Variants in VPS54 observed in about 807,000 individuals in gnomAD.
VPS54 encodes the protein vacuolar protein sorting-associated protein 54.
VPS54 carries 45 observed loss-of-function variants against 121.5 expected under a neutral mutation model. The ratio of observed to expected loss-of-function variants is 0.37; its 90% CI spans 0.29 to 0.47. The LOEUF (loss-of-function observed/expected upper bound fraction) is 0.47, where lower values mean the gene tolerates loss of function less well. VPS54 is among the 20% of genes least tolerant of loss of function. VPS54 has a pLI of 0.99. For missense variants in VPS54, 1,090 were observed against 1,131.4 expected (o/e 0.96, Z 0.52); for synonymous variants, 371 against 385.8 (o/e 0.96, Z 0.45).
At chr2:63,952,721 G>T (rs1479439494) in intron 7 of VPS54, among the ~76,000 whole-genome samples, 1 of 152,072 alleles carries the variant, frequency 6.6e-6, no homozygotes, top group Admixed American at 6.5e-5. Flanking sequence ...TCTCATAAAT[G>T]GCATCAATAT....
chr2:63,974,126 G>T (rs1676411240), intron 3 of VPS54, among the ~76,000 whole-genome samples: 1 of 152,186 alleles, frequency 6.6e-6, no homozygotes, highest in Non-Finnish European at 1.5e-5. Context: ...TAATTTCCAT[G>T]AATAGTGCAA....
intron 20 of VPS54, 46 bp downstream of exon 20, chr2:63,912,298 AT>A (rs1274647815): frequency 2.7e-6 from 4 of 1,460,922 alleles, no homozygotes; most frequent in Non-Finnish European, 2.8e-6. Flanking sequence ...AAAATAGAAA[AT>A]CATAATGTCT....
rs911701063 is a variant in VPS54, at chr2:63,893,210, A to T, written c.*220T>A. The T allele has an allele frequency of 1.0e-5, 6 of 600,648 alleles. No individual in the cohort carries two copies. The highest frequency in any genetic ancestry group is 2.7e-5 in the Admixed American group (1 of 37,274). The allele number at this position is 600,648 out of a possible 1,614,324, so 37.2% of individuals were successfully genotyped here. Reference sequence around the variant, plus strand: ...AGAGAGAATGAAAAATGTTATAGACACCTGATCAGTTACTCCTCACTGTAG... The same window carrying T: ...AGAGAGAATGAAAAATGTTATAGACTCCTGATCAGTTACTCCTCACTGTAG... On this transcript the variant is annotated 3_prime_UTR_variant, in exon 23 of 23. Transcript: ENST00000272322.
chr2:63,973,786 T>TCTTCCA (rs75155594), intron 3 of VPS54, among the ~76,000 whole-genome samples: 2 of 152,154 alleles, frequency 1.3e-5, no homozygotes, highest in Admixed American at 6.6e-5. Flanking sequence ...CTCAAGTGAT[T>TCTTCCA]CTTCCACCTC....
In VPS54 at chr2:63,919,876, C is replaced by T. The variant is rs769237976; in HGVS notation, c.2164+7G>A. On this transcript the variant is annotated splice_region_variant and intron_variant, in intron 15 of 22. Coordinates refer to ENST00000272322, the MANE Select transcript of VPS54 (RefSeq NM_016516.3). ...TTGAAAGAGAATGTGTGAATGAATA[C>T]ACATACCTCCTGATTTTTTTTCAGG... 51 of 1,598,854 alleles carry T rather than the reference C, an allele frequency of 3.2e-5. No homozygotes were observed. The highest frequency in any genetic ancestry group is 1.7e-4 in the Middle Eastern group (1 of 6,052).
rs536110106 is a variant in VPS54, at chr2:63,944,804, T to C, written c.1246-149A>G. 316 of 610,192 alleles carry C rather than the reference T, an allele frequency of 5.2e-4. 2 individuals carry two copies. In the South Asian group the frequency reaches 5.7e-3, roughly 11 times the overall value. The allele number at this position is 610,192 out of a possible 1,614,324, so 37.8% of individuals were successfully genotyped here. On this transcript the variant is annotated intron_variant, in intron 9 of 22. Transcript: ENST00000272322. ...ACATACATGTGGCCAACATAACTGA[T>C]CATTAGAGAAATGCAAATCAAAACC...
rs1231538560 is a variant in VPS54 at position 64,019,046 on chromosome 2, C to T, written c.-129G>A. The T allele has an allele frequency of 1.3e-5, 2 of 150,292 alleles. No individual in the cohort carries two copies. The highest frequency in any genetic ancestry group is 3.0e-5 in the Non-Finnish European group (2 of 67,318). The allele number at this position is 150,292 out of a possible 1,614,324, so 9.3% of individuals were successfully genotyped here. On this transcript the variant is annotated 5_prime_UTR_variant, in exon 1 of 23. Transcript: ENST00000272322. Reference sequence around the variant, plus strand: ...GCTCCACGGCCGCCGCCGCCCGGCGCCCGGCCGGGCCCGAGCCCGGGTTCC... The same window carrying T: ...GCTCCACGGCCGCCGCCGCCCGGCGTCCGGCCGGGCCCGAGCCCGGGTTCC...
intron 1 of VPS54, among the ~76,000 whole-genome samples, chr2:64,006,835 T>A (rs1017868685): frequency 6.6e-6 from 1 of 152,186 alleles, no homozygotes. Flanking sequence ...GTCAGGCTAG[T>A]CTTGAACTCC....
intron 10 of VPS54, among the ~76,000 whole-genome samples, chr2:63,942,842 C>T (rs888740561): frequency 2.0e-5 from 3 of 152,106 alleles, no homozygotes; most frequent in South Asian, 2.1e-4. Flanking sequence ...TGAAGATATA[C>T]TCTGGAATAA....
intron 9 of VPS54, among the ~76,000 whole-genome samples, chr2:63,945,768 C>T (rs1051345581): frequency 1.1e-4 from 16 of 152,022 alleles, no homozygotes; most frequent in Admixed American, 1.0e-3. Context: ...AAGGTGTAAG[C>T]CCCATATTAA....
chr2:63,976,246 G>T (rs539074194), intron 3 of VPS54, among the ~76,000 whole-genome samples: 2 of 151,646 alleles, frequency 1.3e-5, no homozygotes, highest in African/African-American at 4.8e-5. Flanking sequence ...GCTACTTGGG[G>T]GTTGCTGAGA....
intron 15 of VPS54, among the ~76,000 whole-genome samples, chr2:63,918,441 G>A (rs1394435193): frequency 6.6e-6 from 1 of 150,678 alleles, no homozygotes; most frequent in South Asian, 2.1e-4. Context: ...GACTAGATGA[G>A]TGATAAGTCT....
intron 11 of VPS54, among the ~76,000 whole-genome samples, chr2:63,938,126 A>C (rs1674551184): frequency 6.8e-6 from 1 of 147,866 alleles, no homozygotes; most frequent in Non-Finnish European, 1.5e-5. Context: ...ACTTGTGTGC[A>C]TGTGTGCGTG....
At chr2:63,987,647 C>G (rs1677117759) in intron 1 of VPS54, among the ~76,000 whole-genome samples, 1 of 150,180 alleles carries the variant, frequency 6.7e-6, no homozygotes, top group Non-Finnish European at 1.5e-5. Flanking sequence ...ATTGATTCTT[C>G]CAATCCATGA....
intron 11 of VPS54, among the ~76,000 whole-genome samples, chr2:63,938,238 T>C (rs534899435): frequency 1.3e-5 from 2 of 152,104 alleles, no homozygotes; most frequent in African/African-American, 4.8e-5. Context: ...GGTGTTGGGA[T>C]TATAGGCATG....
rs535188231 is a variant in VPS54, at chr2:63,989,941, T to A, written c.-20-5922A>T. On this transcript the variant is annotated intron_variant, in intron 1 of 22. Coordinates refer to ENST00000272322, the MANE Select transcript of VPS54 (RefSeq NM_016516.3). ...TATTCAAGGCGGTGGAAAAATACTG[T>A]CCTTGGTTTCCTGAAAAGGGAACCA... Among the ~76,000 whole-genome samples, 4 of 152,308 alleles carry A rather than the reference T, an allele frequency of 2.6e-5. No homozygotes were observed. The East Asian group carries it at 7.7e-4, about 29-fold the overall frequency.
intron 6 of VPS54, among the ~76,000 whole-genome samples, chr2:63,962,800 T>C (rs76884036): frequency 4.6e-4 from 70 of 152,262 alleles, no homozygotes; most frequent in African/African-American, 1.7e-3. Context: ...ATGATCTCCT[T>C]AGCCCCCAAT....
intron 1 of VPS54, among the ~76,000 whole-genome samples, chr2:63,999,714 C>T (rs943804178): frequency 3.3e-5 from 5 of 152,174 alleles, no homozygotes; most frequent in Non-Finnish European, 5.9e-5. Flanking sequence ...TCTTTACAGA[C>T]AATAACTCTT....
chr2:64,010,173 A>T (rs543755872), intron 1 of VPS54, among the ~76,000 whole-genome samples: 18 of 152,242 alleles, frequency 1.2e-4, no homozygotes, highest in South Asian at 2.1e-4. Context: ...GAACTTTTTT[A>T]AAAAAAGTCT....
Sources: gnomAD v4.1 joint callset for allele counts (sites outside exome capture counted in the v4.1 genomes callset) on GRCh38, gnomAD v4.1.1 for gene constraint, MANE v1.5 for transcripts, NCBI Gene and HGNC (gene_info 2026-07-23, HGNC 2026-07-21) for gene names.